EPHA3: variants seen among roughly 807,000 people sequenced by gnomAD.
The protein encoded by EPHA3 is ephrin type-A receptor 3.
Under a neutral mutation model 107.1 loss-of-function variants are expected in EPHA3, and 42 were observed. The ratio of observed to expected loss-of-function variants is 0.39; its 90% CI spans 0.31 to 0.51. The LOEUF (loss-of-function observed/expected upper bound fraction) is 0.51. Among genes scored for constraint, EPHA3 ranks in the 20% least tolerant of loss-of-function variants. The probability of loss-of-function intolerance (pLI) is 0.78; values close to 1 mark genes in which losing one functional copy is unlikely to be tolerated. For missense variants in EPHA3, 1,183 were observed against 1,211.2 expected (o/e 0.98, Z 0.35); for synonymous variants, 461 against 424.8 (o/e 1.09, Z -1.05).
intron 5 of EPHA3, among the ~76,000 whole-genome samples, chr3:89,362,416 G>T (rs1280398756): frequency 6.6e-6 from 1 of 151,006 alleles, no homozygotes; most frequent in African/African-American, 2.4e-5. Context: ...GAAAGCAGCT[G>T]TCTTTCTATT....
chr3:89,289,114 G>A (rs183344961), intron 3 of EPHA3, among the ~76,000 whole-genome samples: 79 of 152,192 alleles, frequency 5.2e-4, no homozygotes, highest in Admixed American at 1.6e-3. Context: ...ACAAGCTAAG[G>A]AACTACAACA....
chr3:89,425,222 C>G (rs1709431749), intron 11 of EPHA3, among the ~76,000 whole-genome samples: 1 of 150,586 alleles, frequency 6.6e-6, no homozygotes, highest in African/African-American at 2.5e-5. Flanking sequence ...AAAAAAATAC[C>G]CTAACTCAGC....
rs574718624 is a variant in EPHA3, at chr3:89,276,400, A to G, written c.815-64516A>G. Among the ~76,000 whole-genome samples the G allele has an allele frequency of 7.9e-5, 12 of 152,212 alleles. No individual in the cohort carries two copies. The East Asian group carries it at 2.1e-3, about 27-fold the overall frequency. ...CACTAGCAAATTCTTTAAACTGGAT[A>G]CATTTTGATTGAGTAGGAAGGAATG... On this transcript the variant is annotated intron_variant, in intron 3 of 16. Coordinates refer to ENST00000336596, the MANE Select transcript of EPHA3 (RefSeq NM_005233.6).
At position 89,367,466 on chromosome 3, in the gene EPHA3, A is replaced by G. The variant is rs111492324; in HGVS notation, c.1306+25376A>G. 4.6e-3 allele frequency among the ~76,000 whole-genome samples: 687 copies of G among 150,640 alleles called. 19 individuals are homozygous for G. Among genetic ancestry groups the G allele is most frequent in the Middle Eastern group, 0.017 (5 of 290 alleles). Reference sequence around the variant, plus strand: ...CAAAGGCAGGGACCTAGCTTTATCCATGTTTGCTGAACTCTTGATAAAATC... The same window carrying G: ...CAAAGGCAGGGACCTAGCTTTATCCGTGTTTGCTGAACTCTTGATAAAATC... On this transcript the variant is annotated intron_variant, in intron 5 of 16. Coordinates refer to ENST00000336596, the MANE Select transcript of EPHA3 (RefSeq NM_005233.6).
intron 5 of EPHA3, among the ~76,000 whole-genome samples, chr3:89,352,779 T>G (rs1393243734): frequency 6.7e-6 from 1 of 150,092 alleles, no homozygotes; most frequent in Non-Finnish European, 1.5e-5. Context: ...GGCAGGTGCC[T>G]GTAATTCCAG....
chr3:89,111,069 C>T lies in EPHA3; in HGVS notation c.88+3233C>T, dbSNP rs548934757. Among the ~76,000 whole-genome samples, 3 of 151,980 alleles carry T rather than the reference C, an allele frequency of 2.0e-5. No individual in the cohort carries two copies. In the East Asian group the frequency reaches 5.8e-4, roughly 29 times the overall value. ...AAAATTAAATATTCATATTTATATA[C>T]TACTTTTTTAAAGACTTTTTTTAGT... On this transcript the variant is annotated intron_variant, in intron 1 of 16. Transcript: ENST00000336596.
intron 2 of EPHA3, among the ~76,000 whole-genome samples, chr3:89,152,548 T>C (rs1704711484): frequency 6.6e-6 from 1 of 152,090 alleles, no homozygotes; most frequent in Non-Finnish European, 1.5e-5. Context: ...ATACATACTA[T>C]TATATATTTT....
chr3:89,294,248 A>AT (rs1258781158), intron 3 of EPHA3, among the ~76,000 whole-genome samples: 1 of 151,996 alleles, frequency 6.6e-6, no homozygotes, highest in Non-Finnish European at 1.5e-5. Flanking sequence ...GTCTTAGTTC[A>AT]TTTTTGCAAA....
intron 3 of EPHA3, among the ~76,000 whole-genome samples, chr3:89,231,826 C>A (rs1704641392): frequency 6.6e-6 from 1 of 152,028 alleles, no homozygotes; most frequent in African/African-American, 2.4e-5. Context: ...GAAATGATGA[C>A]CCAAAGATCC....
At chr3:89,281,773 C>G (rs1705954047) in intron 3 of EPHA3, among the ~76,000 whole-genome samples, 1 of 152,124 alleles carries the variant, frequency 6.6e-6, no homozygotes. Flanking sequence ...AATCTTGTGT[C>G]CCCTGAAACT....
intron 5 of EPHA3, among the ~76,000 whole-genome samples, chr3:89,387,130 A>G (rs1254032360): frequency 2.0e-5 from 3 of 152,128 alleles, no homozygotes; most frequent in Non-Finnish European, 4.4e-5. Flanking sequence ...GGGCATGATT[A>G]TGTTTTAAAA....
chr3:89,227,011 C>A (rs1704517187), intron 3 of EPHA3, among the ~76,000 whole-genome samples: 1 of 151,924 alleles, frequency 6.6e-6, no homozygotes, highest in African/African-American at 2.4e-5. Context: ...AGAGCACATA[C>A]ACCTTACACA....
At chr3:89,248,338 T>C (rs1360766422) in intron 3 of EPHA3, among the ~76,000 whole-genome samples, 1 of 152,160 alleles carries the variant, frequency 6.6e-6, no homozygotes, top group Admixed American at 6.6e-5. Flanking sequence ...ACTAGACTCA[T>C]TCTAAAACGT....
At chr3:89,192,355 CAG>C (rs1705739931) in intron 2 of EPHA3, among the ~76,000 whole-genome samples, 1 of 151,950 alleles carries the variant, frequency 6.6e-6, no homozygotes, top group African/African-American at 2.4e-5. Flanking sequence ...TTCGTAGATC[CAG>C]AGTTATAGGA....
intron 5 of EPHA3, among the ~76,000 whole-genome samples, chr3:89,353,666 T>A (rs1707882253): frequency 6.6e-6 from 1 of 151,254 alleles, no homozygotes; most frequent in African/African-American, 2.4e-5. Context: ...TTTAACACAT[T>A]AATGATGCCT....
At chr3:89,269,133 T>C (rs939327665) in intron 3 of EPHA3, among the ~76,000 whole-genome samples, 2 of 152,166 alleles carry the variant, frequency 1.3e-5, no homozygotes, top group African/African-American at 2.4e-5. Context: ...ATTTAATGTA[T>C]ATCATGTGCA....
At chr3:89,348,143 G>T (rs1276009988) in intron 5 of EPHA3, among the ~76,000 whole-genome samples, 1 of 143,106 alleles carries the variant, frequency 7.0e-6, no homozygotes, top group Non-Finnish European at 1.6e-5. Flanking sequence ...ATGAGTTAGG[G>T]AGGATTCCCT....
intron 3 of EPHA3, among the ~76,000 whole-genome samples, chr3:89,216,098 A>T (rs1387597401): frequency 6.6e-6 from 1 of 151,930 alleles, no homozygotes; most frequent in African/African-American, 2.4e-5. Flanking sequence ...CTATATGCCA[A>T]GTGTATAATC....
intron 2 of EPHA3, among the ~76,000 whole-genome samples, chr3:89,194,175 T>C (rs1462059640): frequency 6.6e-6 from 1 of 152,002 alleles, no homozygotes; most frequent in Non-Finnish European, 1.5e-5. Context: ...TCAGAACTTG[T>C]TAAAACATAC....
Sources: allele counts gnomAD v4.1 joint callset (sites outside exome capture counted in the v4.1 genomes callset), GRCh38; gene constraint gnomAD v4.1.1; transcripts MANE v1.5; gene names NCBI Gene and HGNC (gene_info 2026-07-23, HGNC 2026-07-21).